ADCY9: variants seen among roughly 807,000 people sequenced by gnomAD.
The protein encoded by ADCY9 is adenylate cyclase 9.
Under a neutral mutation model 101.5 loss-of-function variants are expected in ADCY9, and 50 were observed. The observed-to-expected ratio is 0.49, with a 90% CI of 0.39 to 0.62. The LOEUF (loss-of-function observed/expected upper bound fraction) is 0.62, where lower values mean the gene tolerates loss of function less well. Ranked by LOEUF, ADCY9 falls within the 20% of genes least tolerant of loss-of-function variation. ADCY9 has a pLI of 0.00. For missense variants in ADCY9, 1,662 were observed against 1,800.4 expected, an observed-to-expected ratio of 0.92 and a Z score of 1.39; for synonymous variants, 905 against 769.3, an observed-to-expected ratio of 1.18 and a Z score of -2.92.
In ADCY9 at chr16:3,974,774, T is replaced by C. The variant is rs368976860; in HGVS notation, c.2829-64A>G. On this transcript the variant is annotated intron_variant, in intron 9 of 10. Transcript: ENST00000294016. ...AAAGAAGGCATTCCACAAGGCAACCTGAGAAGAGCTTGAACAAACTATGTT... is the reference window on the plus strand; with the variant it reads ...AAAGAAGGCATTCCACAAGGCAACCCGAGAAGAGCTTGAACAAACTATGTT... 9.7e-6 allele frequency: 13 copies of C among 1,335,846 alleles called. No individual in the cohort carries two copies. In the East Asian group the frequency reaches 1.2e-4, roughly 12 times the overall value. 82.7% of individuals were successfully genotyped at this position (1,335,846 alleles called of 1,614,324 possible).
intron 2 of ADCY9, among the ~76,000 whole-genome samples, chr16:4,076,167 T>G (rs2056866125): frequency 6.6e-6 from 1 of 152,180 alleles, no homozygotes; most frequent in Non-Finnish European, 1.5e-5. Flanking sequence ...GAACAGCCAC[T>G]GTACTGCAGC....
chr16:3,983,002 T>A, intron 7 of ADCY9: 1 of 575,110 alleles, frequency 1.7e-6, no homozygotes, highest in Non-Finnish European at 3.1e-6. Flanking sequence ...CGGTTGGGGC[T>A]GTGGAGGCAC....
At chr16:4,028,624 A>G (rs183767506) in intron 2 of ADCY9, among the ~76,000 whole-genome samples, 1 of 152,160 alleles carries the variant, frequency 6.6e-6, no homozygotes, top group African/African-American at 2.4e-5. Flanking sequence ...GATATGATGG[A>G]CCTCATGGGA....
chr16:3,990,325 G>A (rs1338399608), intron 5 of ADCY9, among the ~76,000 whole-genome samples: 2 of 152,110 alleles, frequency 1.3e-5, no homozygotes, highest in African/African-American at 2.4e-5. Flanking sequence ...AATTAGCCAG[G>A]CCTGGTGGCA....
At chr16:3,983,098 G>GT in intron 7 of ADCY9, 134 bp downstream of exon 7, 1 of 855,130 alleles carries the variant, frequency 1.2e-6, no homozygotes, top group South Asian at 1.8e-5. Context: ...GGGAGGACAC[G>GT]GGGACCCATC....
chr16:4,094,553 G>A (rs535353213), intron 2 of ADCY9, among the ~76,000 whole-genome samples: 2 of 152,078 alleles, frequency 1.3e-5, no homozygotes, highest in African/African-American at 2.4e-5. Context: ...GCTCACGCCC[G>A]TAATCCTAGC....
chr16:4,057,389 G>A (rs979814983), intron 2 of ADCY9, among the ~76,000 whole-genome samples: 12 of 152,110 alleles, frequency 7.9e-5, no homozygotes, highest in South Asian at 2.1e-4. Context: ...ACACAGGGCT[G>A]TGCAACCATC....
At chr16:4,111,119 A>C (rs889268942) in intron 2 of ADCY9, among the ~76,000 whole-genome samples, 1 of 152,212 alleles carries the variant, frequency 6.6e-6, no homozygotes, top group Non-Finnish European at 1.5e-5. Flanking sequence ...ATAAATTTGA[A>C]TGAGAGGAGC....
At chr16:3,995,351 C>T (rs1350868465) in intron 3 of ADCY9, among the ~76,000 whole-genome samples, 1 of 152,054 alleles carries the variant, frequency 6.6e-6, no homozygotes, top group African/African-American at 2.4e-5. Context: ...CTGCTTGAGT[C>T]TGGGAGGTCA....
intron 9 of ADCY9, 129 bp from the exon 10 acceptor site, chr16:3,974,839 T>C (rs1293019503): frequency 1.2e-5 from 8 of 669,200 alleles, no homozygotes; most frequent in Non-Finnish European, 2.2e-5. Flanking sequence ...TAAAGCCACC[T>C]GCTCCCACCT....
downstream of ADCY9, among the ~76,000 whole-genome samples, chr16:3,962,162 T>A (rs933561323): frequency 6.6e-6 from 1 of 152,166 alleles, no homozygotes; most frequent in African/African-American, 2.4e-5. Context: ...GAAAATGGCA[T>A]GTGTGTTTTT....
Position 4,031,229 on chromosome 16 carries a change from A to G in ADCY9, c.1694-23671T>C, listed in dbSNP as rs903903903. Among the ~76,000 whole-genome samples, 5 of 152,232 alleles carry G rather than the reference A, an allele frequency of 3.3e-5. No individual in the cohort carries two copies. The East Asian group carries it at 5.8e-4, about 18-fold the overall frequency. ...GTAGGATAATTTGTTTTGTCTGTAC[A>G]GGAGAATGTCCTTGTTCATAGGAGA... On this transcript the variant is annotated intron_variant, in intron 2 of 10. Coordinates refer to ENST00000294016, the MANE Select transcript of ADCY9 (RefSeq NM_001116.4).
At chr16:3,991,744 C>T (rs1406587573) in intron 5 of ADCY9, among the ~76,000 whole-genome samples, 1 of 103,638 alleles carries the variant, frequency 9.6e-6, no homozygotes, top group African/African-American at 3.7e-5. Context: ...CTGGGCAACA[C>T]AGCAAGACCT....
chr16:4,033,526 G>A (rs113111026), intron 2 of ADCY9, among the ~76,000 whole-genome samples: 3,016 of 150,558 alleles, frequency 0.02, 54 homozygotes, highest in Middle Eastern at 0.097. Context: ...TTCCACCACC[G>A]AGGTTCAAGC....
chr16:4,113,687 T>C (rs571551911), intron 2 of ADCY9, 63 bp downstream of exon 2: 27 of 1,530,252 alleles, frequency 1.8e-5, no homozygotes, highest in Non-Finnish European at 2.4e-5. Context: ...GGAAGCTTTT[T>C]TTTTTAATTT....
intron 2 of ADCY9, among the ~76,000 whole-genome samples, chr16:4,088,642 A>T (rs907389094): frequency 1.3e-5 from 2 of 151,836 alleles, no homozygotes; most frequent in Admixed American, 1.3e-4. Flanking sequence ...TCACCTCAGG[A>T]TCTCTGTCCC....
intron 4 of ADCY9, 75 bp downstream of exon 4, chr16:3,993,331 A>G (rs760332216): frequency 1.1e-5 from 17 of 1,587,984 alleles, no homozygotes; most frequent in Non-Finnish European, 1.4e-5. Context: ...TAAGAAGTCG[A>G]CAAGACAGGA....
At chr16:4,049,174 C>A (rs529781929) in intron 2 of ADCY9, among the ~76,000 whole-genome samples, 179 of 152,298 alleles carry the variant, frequency 1.2e-3, no homozygotes, top group African/African-American at 3.9e-3. Context: ...AGAGGAGGTC[C>A]CACTGGTCCC....
intron 2 of ADCY9, among the ~76,000 whole-genome samples, chr16:4,103,472 G>A (rs1209207106): frequency 6.6e-6 from 1 of 152,194 alleles, no homozygotes; most frequent in Non-Finnish European, 1.5e-5. Flanking sequence ...AACTGCACTA[G>A]CCCTCAGCTT....
Sources: allele counts gnomAD v4.1 joint callset (sites outside exome capture counted in the v4.1 genomes callset), GRCh38; gene constraint gnomAD v4.1.1; transcripts MANE v1.5; gene names NCBI Gene and HGNC (gene_info 2026-07-23, HGNC 2026-07-21).